DYNC1I1: variants seen among roughly 807,000 people sequenced by gnomAD.
DYNC1I1 encodes the protein dynein cytoplasmic 1 intermediate chain 1.
A neutral mutation model predicts 86.6 loss-of-function variants in DYNC1I1; 43 were observed. The ratio of observed to expected loss-of-function variants is 0.50; its 90% CI spans 0.39 to 0.64. The LOEUF (loss-of-function observed/expected upper bound fraction) is 0.64. Among genes scored for constraint, DYNC1I1 ranks in the 30% least tolerant of loss-of-function variants. DYNC1I1 has a pLI of 0.00. For missense variants in DYNC1I1, 604 were observed against 788.8 expected (o/e 0.77, Z 2.81); for synonymous variants, 262 against 283.7 (o/e 0.92, Z 0.77).
At chr7:95,834,518 A>G (rs199783119) in intron 5 of DYNC1I1, among the ~76,000 whole-genome samples, 9,580 of 110,726 alleles carry the variant, frequency 0.087, 183 homozygotes, top group South Asian at 0.11. Context: ...CTCTTTTTCT[A>G]TTGATTGGAA....
At chr7:96,009,342 A>T (rs1794218140) in intron 10 of DYNC1I1, among the ~76,000 whole-genome samples, 1 of 152,182 alleles carries the variant, frequency 6.6e-6, no homozygotes, top group Non-Finnish European at 1.5e-5. Flanking sequence ...CCCCATTAGC[A>T]TCTGAGGGCT....
chr7:96,019,460 C>G (rs1173940214), intron 10 of DYNC1I1, among the ~76,000 whole-genome samples: 1 of 151,886 alleles, frequency 6.6e-6, no homozygotes, highest in Non-Finnish European at 1.5e-5. Context: ...TACTAATGCC[C>G]CAGTCGCACC....
intron 14 of DYNC1I1, among the ~76,000 whole-genome samples, chr7:96,068,237 A>G (rs1311084998): frequency 1.3e-5 from 2 of 152,236 alleles, no homozygotes; most frequent in East Asian, 1.9e-4. Flanking sequence ...GTGAAACAGA[A>G]TAAGGTAAAC....
intron 1 of DYNC1I1, among the ~76,000 whole-genome samples, chr7:95,791,238 G>A (rs776137372): frequency 5.9e-5 from 9 of 151,930 alleles, no homozygotes; most frequent in Non-Finnish European, 4.4e-5. Flanking sequence ...GCTCACTTGG[G>A]GGTTGCAAAA....
intron 3 of DYNC1I1, 192 bp from the exon 4 acceptor site, chr7:95,813,055 A>T: frequency 7.9e-7 from 1 of 1,263,350 alleles, no homozygotes. Context: ...TAATTTCCAA[A>T]ATACAAAAAA....
rs186153241 is a variant in DYNC1I1 at position 95,880,749 on chromosome 7, G to A, written c.490+10751G>A. Among the ~76,000 whole-genome samples the A allele has an allele frequency of 6.6e-3, 964 of 146,136 alleles. 22 individuals are homozygous for A. Among genetic ancestry groups the A allele is most frequent in the East Asian group, 0.029 (138 of 4,842 alleles). On this transcript the variant is annotated intron_variant, in intron 6 of 16. Transcript: ENST00000447467. ...CAACCTCCGCCTCCTGAGTTCAACC[G>A]ATTCTCCTGCCTCAGCCTCCCGAGT...
chr7:96,097,653 A>G lies in DYNC1I1; in HGVS notation c.*60A>G. The G allele has an allele frequency of 6.2e-7, 1 of 1,604,504 alleles. No individual in the cohort carries two copies. The highest frequency in any genetic ancestry group is 1.1e-5 in the South Asian group (1 of 89,700). ...TTGTGTCCTAGAGCTCAGCGTCTGC[A>G]GTCAAGTCTCTTGTATTCGGTGTCC... On this transcript the variant is annotated 3_prime_UTR_variant, in exon 17 of 17. Transcript: ENST00000447467.
At chr7:96,053,465 A>C (rs1789466798) in intron 14 of DYNC1I1, among the ~76,000 whole-genome samples, 1 of 152,096 alleles carries the variant, frequency 6.6e-6, no homozygotes, top group Admixed American at 6.6e-5. Context: ...GGGGGGCCAA[A>C]TATATATTCC....
chr7:96,054,810 G>A (rs1042382453), intron 14 of DYNC1I1, among the ~76,000 whole-genome samples: 1 of 152,000 alleles, frequency 6.6e-6, no homozygotes, highest in Non-Finnish European at 1.5e-5. Context: ...ACTTTTTGAT[G>A]GGGTTGTTTT....
chr7:96,100,368 CTTCCTTCCTTCT>C (rs1056971137), downstream of DYNC1I1, among the ~76,000 whole-genome samples: 56 of 141,372 alleles, frequency 4.0e-4, no homozygotes, highest in South Asian at 1.7e-3. Context: ...TCCTTCCTTC[CTTCCTTCCTTCT>C]TTCCTTCCTT....
At chr7:96,063,864 G>C (rs1789868777) in intron 14 of DYNC1I1, among the ~76,000 whole-genome samples, 1 of 152,080 alleles carries the variant, frequency 6.6e-6, no homozygotes, top group African/African-American at 2.4e-5. Flanking sequence ...TAACCATAAG[G>C]CCTTTCACTA....
At chr7:96,008,578 C>A (rs1794197911) in intron 10 of DYNC1I1, among the ~76,000 whole-genome samples, 1 of 152,086 alleles carries the variant, frequency 6.6e-6, no homozygotes, top group South Asian at 2.1e-4. Flanking sequence ...AAATAGTTTC[C>A]ATAGTAGAAA....
At position 95,986,023 on chromosome 7, in the gene DYNC1I1, CGTGT is replaced by C. The variant is rs3138829; in HGVS notation, c.744-996_744-993del. 6.6e-3 allele frequency among the ~76,000 whole-genome samples: 871 copies of C among 132,716 alleles called. 4 individuals carry two copies. The highest frequency in any genetic ancestry group is 0.011 in the South Asian group (40 of 3,770). 87.1% of individuals were successfully genotyped at this position (132,716 alleles called of 152,430 possible). On this transcript the variant is annotated intron_variant, in intron 8 of 16. Transcript: ENST00000447467. ...GTATTATCCTAGGCTCCTGGCAGGACGTGTGTGTGTGTGTGTGTGTGTGTGTGTG... is the reference window on the plus strand; with the variant it reads ...GTATTATCCTAGGCTCCTGGCAGGACGTGTGTGTGTGTGTGTGTGTGTGTG...
chr7:95,824,161 C>T (rs1324909179), intron 4 of DYNC1I1, among the ~76,000 whole-genome samples: 3 of 149,746 alleles, frequency 2.0e-5, no homozygotes, highest in Non-Finnish European at 3.0e-5. Context: ...CGGCTAATTT[C>T]TGTATTTTTT....
intron 6 of DYNC1I1, 97 bp downstream of exon 6, chr7:95,870,095 T>G: frequency 1.9e-6 from 2 of 1,038,030 alleles, no homozygotes; most frequent in Non-Finnish European, 2.8e-6. Context: ...ATAAGAGCTC[T>G]TCATGGGATA....
At chr7:95,934,184 C>T (rs1308367538) in intron 6 of DYNC1I1, among the ~76,000 whole-genome samples, 1 of 152,112 alleles carries the variant, frequency 6.6e-6, no homozygotes, top group African/African-American at 2.4e-5. Context: ...CATGGCCCCC[C>T]TCAATGATTT....
At position 96,078,312 on chromosome 7, in the gene DYNC1I1, T is replaced by G. The variant is rs568112235; in HGVS notation, c.1651-2051T>G. 2.6e-5 allele frequency among the ~76,000 whole-genome samples: 4 copies of G among 152,274 alleles called. No homozygotes were observed. In the South Asian group the frequency reaches 8.3e-4, roughly 32 times the overall value. ...ATTAAAATGATTGAGCCAGGAAAAC[T>G]GTGGAAATATTTGTGAAACAAAGTA... On this transcript the variant is annotated intron_variant, in intron 15 of 16. Coordinates refer to ENST00000447467, the MANE Select transcript of DYNC1I1 (RefSeq NM_001135556.2).
chr7:96,097,487 C>T lies in DYNC1I1; in HGVS notation c.1781C>T (p.Ala594Val), dbSNP rs1435500272. 5 of 1,613,554 alleles carry T rather than the reference C, an allele frequency of 3.1e-6. No individual in the cohort carries two copies. Among genetic ancestry groups the T allele is most frequent in the South Asian group, 1.1e-5 (1 of 91,046 alleles). ...CTCCATTGATTTGCTTTGCAGCTTG[C>T]AGTTCCCCACAATGATGAATGGACC... is the stretch of plus-strand genomic sequence containing the variant. ...RIWVYDVGELAVPHNDEWTRF... is the reference protein window; with the variant it reads ...RIWVYDVGELVVPHNDEWTRF... The change falls in exon 17 of 17, where the codon GCA (alanine) becomes GTA (valine). Residue 594 changes from alanine to valine, a missense_variant. Transcript: ENST00000447467.
intron 14 of DYNC1I1, among the ~76,000 whole-genome samples, chr7:96,070,859 A>G (rs910634751): frequency 1.3e-5 from 2 of 152,370 alleles, no homozygotes; most frequent in South Asian, 2.1e-4. Context: ...ACTTTGGCAT[A>G]TATCTGACAT....
Sources: allele counts gnomAD v4.1 joint callset (sites outside exome capture counted in the v4.1 genomes callset), GRCh38; gene constraint gnomAD v4.1.1; transcripts MANE v1.5; gene names NCBI Gene and HGNC (gene_info 2026-07-23, HGNC 2026-07-21).